SLC25A37: variants seen among roughly 807,000 people sequenced by gnomAD.
SLC25A37 encodes the protein mitoferrin-1.
In SLC25A37, 17 loss-of-function variants were observed where a neutral mutation model predicts 31.0. That is an observed-to-expected ratio of 0.55 (90% CI 0.38 to 0.82). The LOEUF is 0.82. SLC25A37 is among the 40% of genes least tolerant of loss of function. SLC25A37 has a pLI of 0.00. For missense variants in SLC25A37, 404 were observed against 465.8 expected (o/e 0.87, Z 1.22); for synonymous variants, 222 against 193.0 (o/e 1.15, Z -1.24).
chr8:23,550,181 CAAAAAAAAA>C lies in SLC25A37; in HGVS notation c.211-15915_211-15907del, dbSNP rs67552053. 2.9e-5 allele frequency among the ~76,000 whole-genome samples: 2 copies of C among 68,764 alleles called. 1 individual carries two copies. Among genetic ancestry groups the C allele is most frequent in the African/African-American group, 1.9e-4 (2 of 10,622 alleles). 45.1% of individuals were successfully genotyped at this position (68,764 alleles called of 152,430 possible). ...GGGCAACAAGAGCGAAATTCCGTTT[CAAAAAAAAA>C]AAAAAAAAAAACACAAAAAAACAAA... On this transcript the variant is annotated intron_variant, in intron 1 of 3. Transcript: ENST00000519973.
At chr8:23,538,393 AAAAAAAAAAAAAAC>A (rs1585444857) in intron 1 of SLC25A37, among the ~76,000 whole-genome samples, 1 of 144,116 alleles carries the variant, frequency 6.9e-6, no homozygotes, top group South Asian at 2.2e-4. Flanking sequence ...AAAAAAAAAA[AAAAAAAAAAAAAAC>A]CAGAAAAAAA....
Position 23,553,863 on chromosome 8 carries a change from C to CA in SLC25A37, c.211-12244dup, listed in dbSNP as rs1336538298. ...ACACTCTTGCAGCTGGGCATAGACA[C>CA]AGTCCTCAGGGGTTTTGTGGACATT... On this transcript the variant is annotated intron_variant, in intron 1 of 3. Transcript: ENST00000519973. 2.8e-4 allele frequency among the ~76,000 whole-genome samples: 43 copies of CA among 152,304 alleles called. 1 individual carries two copies. In the South Asian group the frequency reaches 2.9e-3, roughly 10 times the overall value.
intron 1 of SLC25A37, among the ~76,000 whole-genome samples, chr8:23,546,009 C>T (rs1003412504): frequency 1.3e-5 from 2 of 152,040 alleles, no homozygotes; most frequent in Non-Finnish European, 2.9e-5. Context: ...GTAGCAGATG[C>T]CTATAATCTC....
chr8:23,558,839 C>T (rs1287702637), intron 1 of SLC25A37, among the ~76,000 whole-genome samples: 1 of 152,102 alleles, frequency 6.6e-6, no homozygotes, highest in Non-Finnish European at 1.5e-5. Flanking sequence ...AGGAGGAATG[C>T]TTATTCATAG....
chr8:23,546,570 A>G (rs879313872), intron 1 of SLC25A37, among the ~76,000 whole-genome samples: 23,180 of 84,094 alleles, frequency 0.28, 2,863 homozygotes, highest in South Asian at 0.38. Flanking sequence ...ATATATATAT[A>G]TATATATATA....
intron 1 of SLC25A37, among the ~76,000 whole-genome samples, chr8:23,557,388 A>T (rs966155346): frequency 1.8e-4 from 27 of 152,200 alleles, no homozygotes; most frequent in Non-Finnish European, 3.2e-4. Context: ...CCTTCTAAGG[A>T]TGCTGGAAGG....
chr8:23,538,945 G>T (rs940600195), intron 1 of SLC25A37, among the ~76,000 whole-genome samples: 5 of 152,152 alleles, frequency 3.3e-5, no homozygotes, highest in Admixed American at 6.5e-5. Flanking sequence ...TCCTGCGAGA[G>T]ACAGTGGTCC....
intron 1 of SLC25A37, among the ~76,000 whole-genome samples, chr8:23,532,689 C>G (rs531090543): frequency 6.6e-6 from 1 of 152,334 alleles, no homozygotes; most frequent in East Asian, 1.9e-4. Flanking sequence ...AGGATGAGCC[C>G]TCCTTCCCAG....
At chr8:23,530,756 C>T (rs1338047650) in intron 1 of SLC25A37, among the ~76,000 whole-genome samples, 1 of 152,204 alleles carries the variant, frequency 6.6e-6, no homozygotes, top group Non-Finnish European at 1.5e-5. Context: ...AGGCCCTAGT[C>T]CTACTGGTGT....
At chr8:23,535,947 G>A (rs929859269) in intron 1 of SLC25A37, among the ~76,000 whole-genome samples, 2 of 152,184 alleles carry the variant, frequency 1.3e-5, no homozygotes, top group Non-Finnish European at 1.5e-5. Flanking sequence ...CACTATTCAA[G>A]ATGAGATTTG....
rs1436796117 is a variant in SLC25A37 at position 23,574,397 on chromosome 8, T to A, written c.*2542T>A. On this transcript the variant is annotated 3_prime_UTR_variant, in exon 4 of 4. Transcript: ENST00000519973. ...AGGAGAATTGCTTGAACCCAGGAGG[T>A]GGAGGTTGCAGTGAGCTGAGATTGT... 6.5e-6 allele frequency: 1 copy of A among 153,874 alleles called. No individual in the cohort carries two copies. Among genetic ancestry groups the A allele is most frequent in the African/African-American group, 2.4e-5 (1 of 41,420 alleles). The allele number at this position is 153,874 out of a possible 1,614,324, so 9.5% of individuals were successfully genotyped here.
At chr8:23,537,346 G>A (rs1801791341) in intron 1 of SLC25A37, among the ~76,000 whole-genome samples, 1 of 152,074 alleles carries the variant, frequency 6.6e-6, no homozygotes, top group Non-Finnish European at 1.5e-5. Context: ...TATATTTATA[G>A]TATTATTTGT....
intron 1 of SLC25A37, among the ~76,000 whole-genome samples, chr8:23,532,214 G>A (rs907589225): frequency 1.3e-5 from 2 of 152,188 alleles, no homozygotes; most frequent in Non-Finnish European, 2.9e-5. Context: ...CTCCCATGGT[G>A]GGATGTGAGC....
chr8:23,540,658 T>C (rs1356995893), intron 1 of SLC25A37, among the ~76,000 whole-genome samples: 1 of 152,226 alleles, frequency 6.6e-6, no homozygotes, highest in Admixed American at 6.5e-5. Context: ...GCACTCAATA[T>C]AGTGTTTTGA....
rs1018348767 is a variant in SLC25A37 at position 23,573,808 on chromosome 8, C to T, written c.*1953C>T. 1.1e-5 allele frequency: 5 copies of T among 456,564 alleles called. No individual in the cohort carries two copies. Among genetic ancestry groups the T allele is most frequent in the African/African-American group, 1.0e-4 (5 of 50,066 alleles). 28.3% of individuals were successfully genotyped at this position (456,564 alleles called of 1,614,324 possible). On this transcript the variant is annotated 3_prime_UTR_variant, in exon 4 of 4. Coordinates refer to ENST00000519973, the MANE Select transcript of SLC25A37 (RefSeq NM_016612.4). ...GCCCTGTCCCATCTGGCAGTTAACG[C>T]CTTCTCCCTGCTCTGCCCCCCACTC...
At chr8:23,530,629 A>G (rs1257604858) in intron 1 of SLC25A37, among the ~76,000 whole-genome samples, 1 of 152,222 alleles carries the variant, frequency 6.6e-6, no homozygotes, top group Non-Finnish European at 1.5e-5. Context: ...ACCAGGTGGC[A>G]TTTGTATGGG....
intron 2 of SLC25A37, chr8:23,567,209 C>T (rs1272611239): frequency 6.6e-6 from 1 of 152,198 alleles, no homozygotes; most frequent in Non-Finnish European, 1.5e-5. Context: ...ACTTCTCCCC[C>T]TCTCTTTTTA....
intron 1 of SLC25A37, among the ~76,000 whole-genome samples, chr8:23,534,290 T>TC: frequency 6.6e-6 from 1 of 152,136 alleles, no homozygotes; most frequent in Non-Finnish European, 1.5e-5. Context: ...TCCCTAAAGT[T>TC]CCCTCAACCT....
rs374272813 is a variant in SLC25A37 at position 23,573,879 on chromosome 8, C to T, written c.*2024C>T. ...CAACCCACATGGGGATGTAGAAAGC[C>T]GTAAAGTCCACGCTACTGTTGAAAA... On this transcript the variant is annotated 3_prime_UTR_variant, in exon 4 of 4. Coordinates refer to ENST00000519973, the MANE Select transcript of SLC25A37 (RefSeq NM_016612.4). 5.4e-4 allele frequency: 248 copies of T among 456,670 alleles called. No individual in the cohort carries two copies. Among genetic ancestry groups the T allele is most frequent in the African/African-American group, 4.4e-3 (220 of 50,198 alleles). 28.3% of individuals were successfully genotyped at this position (456,670 alleles called of 1,614,324 possible). A position where few individuals can be genotyped will look rare whatever the true frequency, so the allele number is the denominator to read the frequency against.
Sources: allele counts gnomAD v4.1 joint callset (sites outside exome capture counted in the v4.1 genomes callset), GRCh38; gene constraint gnomAD v4.1.1; transcripts MANE v1.5; gene names NCBI Gene and HGNC (gene_info 2026-07-23, HGNC 2026-07-21).